Variants in MROH6 observed in about 807,000 individuals in gnomAD.
MROH6 encodes the protein maestro heat like repeat family member 6.
A neutral mutation model predicts 67.7 loss-of-function variants in MROH6; 62 were observed. That is an observed-to-expected ratio of 0.92 (90% confidence interval 0.75 to 1.13). MROH6 has a LOEUF of 1.13. MROH6 is among the 50% of genes most tolerant of loss of function. The pLI, the probability that MROH6 is intolerant of heterozygous loss-of-function variation, is 0.00. For synonymous variants in MROH6, 566 were observed against 470.8 expected (o/e 1.20, Z -2.62); for missense variants, 1,175 against 1,029.1 (o/e 1.14, Z -1.94).
chr8:143,571,511 G>A (rs1824035531), intron 3 of MROH6, among the ~76,000 whole-genome samples, 156 bp downstream of exon 3: 1 of 152,206 alleles, frequency 6.6e-6, no homozygotes, highest in African/African-American at 2.4e-5. Context: ...AAAAATGAGG[G>A]GAGCGGGAAT....
At position 143,571,782 on chromosome 8, in the gene MROH6, TG is replaced by T; in HGVS notation, c.486del (p.Ser163AlafsTer2). On this transcript the variant is annotated frameshift_variant, in exon 3 of 14. Transcript: ENST00000398882. LOFTEE classifies it high-confidence loss of function. ...CTCCAGGGCCTCCCCTCCGCTAGGC[TG>T]GGCACCTGCGCCAGCAGCCCACGCA... ...ALVRGLLAQV[P>X]SLAEGRPWRA... 6.5e-7 allele frequency: 1 copy of T among 1,547,830 alleles called. No individual in the cohort carries two copies. The highest frequency in any genetic ancestry group is 2.4e-5 in the East Asian group (1 of 41,142).
At position 143,569,828 on chromosome 8, in the gene MROH6, G is replaced by A; in HGVS notation, c.1171C>T (p.Arg391Trp). 1.2e-6 allele frequency: 2 copies of A among 1,611,000 alleles called. No individual in the cohort carries two copies. ...TCCCGCAGGAGCCGTGCGGTGGGCCGGCTCTGCAACAGCTAGGCGAGGCAC... is the reference window on the plus strand; with the variant it reads ...TCCCGCAGGAGCCGTGCGGTGGGCCAGCTCTGCAACAGCTAGGCGAGGCAC... The part of the protein sequence containing the change: ...MAFFTGLLQS[R>W]PTARLLREEV... The change falls in exon 8 of 14, where the codon CGG becomes TGG. Residue 391 changes from arginine to tryptophan, a missense_variant. Coordinates refer to ENST00000398882, the MANE Select transcript of MROH6 (RefSeq NM_001100878.2).
intron 3 of MROH6, among the ~76,000 whole-genome samples, chr8:143,571,233 T>C (rs564687030): frequency 2.0e-5 from 3 of 152,252 alleles, no homozygotes; most frequent in East Asian, 1.9e-4. Flanking sequence ...GGGAGTCCCG[T>C]TGGGTCAGCG....
At position 143,572,704 on chromosome 8, in the gene MROH6, C is replaced by T; in HGVS notation, c.11G>A (p.Gly4Asp). Residue 4 changes from glycine to aspartate, a missense_variant, in exon 1 of 14, where the codon GGT becomes GAT. Transcript: ENST00000398882. ...CCGGGCCCGGCTCCGGCCCCACACA[C>T]CCCCAGCCATGGCGGCCCTTGCCTG... MAG[G>D]VWGRSRAREA... 6.7e-7 allele frequency: 1 copy of T among 1,489,218 alleles called. No individual in the cohort carries two copies. Among genetic ancestry groups the T allele is most frequent in the Non-Finnish European group, 8.9e-7 (1 of 1,122,700 alleles). 92.3% of individuals were successfully genotyped at this position (1,489,218 alleles called of 1,614,324 possible). A position where few individuals can be genotyped will look rare whatever the true frequency, so the allele number is the denominator to read the frequency against.
chr8:143,568,213 G>C lies in MROH6; in HGVS notation c.1693C>G (p.Leu565Val). Residue 565 changes from leucine to valine, a missense_variant, in exon 11 of 14, where the codon CTG becomes GTG. Transcript: ENST00000398882. ...GCCACGGTGACCAACTCCTCCAGCAGGCCCCAGCAAAAGGCGTGGTCACAG... is the reference window on the plus strand; with the variant it reads ...GCCACGGTGACCAACTCCTCCAGCACGCCCCAGCAAAAGGCGTGGTCACAG... ...ARCDHAFCWG[L>V]LEELVTVAHY... is the part of the protein sequence containing the mutation. The C allele has an allele frequency of 6.2e-7, 1 of 1,611,380 alleles. No homozygotes were observed. Among genetic ancestry groups the C allele is most frequent in the Non-Finnish European group, 8.5e-7 (1 of 1,179,372 alleles).
chr8:143,571,952 C>G, intron 2 of MROH6, 81 bp downstream of exon 2: 1 of 1,516,474 alleles, frequency 6.6e-7, no homozygotes, highest in Non-Finnish European at 8.9e-7. Context: ...CAGGGTCAGG[C>G]TGCGCTCTCC....
intron 4 of MROH6, 51 bp downstream of exon 4, chr8:143,570,826 G>GCCGCC: frequency 8.5e-7 from 1 of 1,171,226 alleles, no homozygotes; most frequent in Non-Finnish European, 1.2e-6. Context: ...CCCGCTCCTC[G>GCCGCC]CCACCCCCCA....
Position 143,570,291 on chromosome 8 carries a change from C to T in MROH6, c.995G>A (p.Arg332Lys), listed in dbSNP as rs1427046444. The change falls in exon 6 of 14, where the codon AGG becomes AAG. Residue 332 changes from arginine to lysine, a missense_variant. By Grantham distance (26) the Arg-to-Lys change is conservative. Coordinates refer to ENST00000398882, the MANE Select transcript of MROH6 (RefSeq NM_001100878.2). ...TCMEQAGGWR[R>K]LVGAHTHLEG... ...CAGGTGGGTGTGGGCTCCCACCAGC[C>T]TCCTCCAGCCTCCTGCCTGCTCCAT... The T allele has an allele frequency of 6.2e-7, 1 of 1,606,766 alleles. No individual in the cohort carries two copies. Among genetic ancestry groups the T allele is most frequent in the Non-Finnish European group, 8.5e-7 (1 of 1,178,712 alleles).
chr8:143,572,381 C>T, intron 1 of MROH6, 40 bp downstream of exon 1: 1 of 1,515,046 alleles, frequency 6.6e-7, no homozygotes, highest in Non-Finnish European at 8.8e-7. Flanking sequence ...CACAGGACCC[C>T]CAGGCCGGTT....
chr8:143,569,888 C>T (rs368914772), intron 7 of MROH6, 48 bp from the exon 8 acceptor site: 3 of 1,610,064 alleles, frequency 1.9e-6, no homozygotes, highest in African/African-American at 2.7e-5. Context: ...CCGTGCAGGC[C>T]GCTGCGATTC....
In MROH6 at chr8:143,571,957, C is replaced by T. The variant is rs922624965; in HGVS notation, c.447+76G>A. Reference sequence around the variant, plus strand: ...CTGAAGATGGCAGGGTCAGGCTGCGCTCTCCAGGCCCCTCCCACCACCTTG... The same window carrying T: ...CTGAAGATGGCAGGGTCAGGCTGCGTTCTCCAGGCCCCTCCCACCACCTTG... On this transcript the variant is annotated intron_variant, in intron 2 of 13. Coordinates refer to ENST00000398882, the MANE Select transcript of MROH6 (RefSeq NM_001100878.2). 4 of 1,526,030 alleles carry T rather than the reference C, an allele frequency of 2.6e-6. No homozygotes were observed. In the African/African-American group the frequency reaches 4.1e-5, roughly 16 times the overall value. 94.5% of individuals were successfully genotyped at this position (1,526,030 alleles called of 1,614,324 possible).
Position 143,567,845 on chromosome 8 carries a change from G to C in MROH6, c.1808C>G (p.Thr603Ser), listed in dbSNP as rs1438449497. ...PGHVPNFLSQ[T>S]QGYLRSPQDP... Reference sequence around the variant, plus strand: ...CTGTGGACTCCGCAGGTAGCCCTGGGTCTGGCTCAGGAAGTTGGGCACGTG... The same window carrying C: ...CTGTGGACTCCGCAGGTAGCCCTGGCTCTGGCTCAGGAAGTTGGGCACGTG... Residue 603 changes from threonine to serine, a missense_variant, in exon 12 of 14, where the codon ACC becomes AGC. Physicochemically the swap from Thr to Ser is moderately conservative, Grantham distance 58. Transcript: ENST00000398882. 3 of 1,531,110 alleles carry C rather than the reference G, an allele frequency of 2.0e-6. No homozygotes were observed. The highest frequency in any genetic ancestry group is 2.6e-6 in the Non-Finnish European group (3 of 1,140,962). The allele number at this position is 1,531,110 out of a possible 1,614,324, so 94.8% of individuals were successfully genotyped here.
Position 143,569,817 on chromosome 8 carries a change from T to G in MROH6, c.1182A>C (p.Ala394=). The change falls in exon 8 of 14, where the codon GCA becomes GCC. Residue 394 remains alanine (A), a synonymous_variant. Coordinates refer to ENST00000398882, the MANE Select transcript of MROH6 (RefSeq NM_001100878.2). Reference sequence around the variant, plus strand: ...GGATGACCTCCTCCCGCAGGAGCCGTGCGGTGGGCCGGCTCTGCAACAGCT... The same window carrying G: ...GGATGACCTCCTCCCGCAGGAGCCGGGCGGTGGGCCGGCTCTGCAACAGCT... ...FTGLLQSRPT[A]RLLREEVILE... 1 of 1,611,622 alleles carries G rather than the reference T, an allele frequency of 6.2e-7. No individual in the cohort carries two copies. The highest frequency in any genetic ancestry group is 8.5e-7 in the Non-Finnish European group (1 of 1,179,274).
chr8:143,569,450 T>G lies in MROH6; in HGVS notation c.1467A>C (p.Leu489=), dbSNP rs1325651419. 2.7e-6 allele frequency: 4 copies of G among 1,454,726 alleles called. No homozygotes were observed. The highest frequency in any genetic ancestry group is 2.7e-5 in the South Asian group (2 of 73,088). The allele number at this position is 1,454,726 out of a possible 1,614,324, so 90.1% of individuals were successfully genotyped here. A position where few individuals can be genotyped will look rare whatever the true frequency, so the allele number is the denominator to read the frequency against. Residue 489 remains leucine (L), a synonymous_variant, in exon 9 of 14, where the codon CTA becomes CTC. Transcript: ENST00000398882. The part of the protein sequence containing the change: ...SAELGPRLPP[L]LDDTRDSIRA... ...CGGGGCGTTTGCTCACGTCGTCCAGTAGCGGAGGGAGGCGCGGTCCCAGCT... is the reference window on the plus strand; with the variant it reads ...CGGGGCGTTTGCTCACGTCGTCCAGGAGCGGAGGGAGGCGCGGTCCCAGCT...
chr8:143,570,733 T>A, intron 4 of MROH6, 76 bp from the exon 5 acceptor site: 1 of 1,494,004 alleles, frequency 6.7e-7, no homozygotes, highest in Non-Finnish European at 9.0e-7. Context: ...AGGCGTGCTG[T>A]CAACAGGATG....
chr8:143,569,843 A>G lies in MROH6; in HGVS notation c.1159-3T>C, dbSNP rs1028681548. On this transcript the variant is annotated splice_polypyrimidine_tract_variant and splice_region_variant and intron_variant, in intron 7 of 13. Coordinates refer to ENST00000398882, the MANE Select transcript of MROH6 (RefSeq NM_001100878.2). ...GCGGTGGGCCGGCTCTGCAACAGCT[A>G]GGCGAGGCACATGGGGTCAGCACGC... 3 of 1,610,714 alleles carry G rather than the reference A, an allele frequency of 1.9e-6. No homozygotes were observed. Among genetic ancestry groups the G allele is most frequent in the Non-Finnish European group, 2.5e-6 (3 of 1,178,980 alleles).
Position 143,569,283 on chromosome 8 carries a change from G to A in MROH6, c.1476+158C>T, listed in dbSNP as rs1445534394. Among the ~76,000 whole-genome samples the A allele has an allele frequency of 6.6e-4, 67 of 100,788 alleles. No individual in the cohort carries two copies. The East Asian group carries it at 0.014, about 21-fold the overall frequency. The allele number at this position is 100,788 out of a possible 152,430, so 66.1% of individuals were successfully genotyped here. A position where few individuals can be genotyped will look rare whatever the true frequency, so the allele number is the denominator to read the frequency against. On this transcript the variant is annotated intron_variant, in intron 9 of 13. Transcript: ENST00000398882. ...GCGGGGCCTGGGAGGGAGACTGGGG[G>A]CGGGGCCTGGGAGGGAGAGACTGGA...
At position 143,567,649 on chromosome 8, in the gene MROH6, C is replaced by T; in HGVS notation, c.1895G>A (p.Gly632Asp). 1 of 1,574,310 alleles carries T rather than the reference C, an allele frequency of 6.4e-7. No individual in the cohort carries two copies. ...GTCCAGCAGGTCCTGGTTGACACAGCCGGGGCTGGCGTGGTGGACAAGGAA... is the reference window on the plus strand; with the variant it reads ...GTCCAGCAGGTCCTGGTTGACACAGTCGGGGCTGGCGTGGTGGACAAGGAA... ...IGFLVHHASP[G>D]CVNQDLLDSL... Residue 632 changes from glycine to aspartate, a missense_variant, in exon 13 of 14, where the codon GGC (glycine) becomes GAC (aspartate). Transcript: ENST00000398882.
rs1223169483 is a variant in MROH6, at chr8:143,569,820, G to A, written c.1179C>T (p.Thr393=). The A allele has an allele frequency of 1.3e-5, 21 of 1,611,352 alleles. No individual in the cohort carries two copies. Among genetic ancestry groups the A allele is most frequent in the Non-Finnish European group, 1.7e-5 (20 of 1,179,154 alleles). The part of the protein sequence containing the change: ...FFTGLLQSRP[T]ARLLREEVIL... ...TGACCTCCTCCCGCAGGAGCCGTGC[G>A]GTGGGCCGGCTCTGCAACAGCTAGG... Residue 393 remains threonine, a synonymous_variant, in exon 8 of 14, where the codon ACC becomes ACT. Coordinates refer to ENST00000398882, the MANE Select transcript of MROH6 (RefSeq NM_001100878.2).
Sources: allele counts gnomAD v4.1 joint callset (sites outside exome capture counted in the v4.1 genomes callset), GRCh38; gene constraint gnomAD v4.1.1; transcripts MANE v1.5; gene names NCBI Gene and HGNC (gene_info 2026-07-23, HGNC 2026-07-21).